CTSS: variants seen among roughly 807,000 people sequenced by gnomAD.
CTSS encodes the protein cathepsin S.
CTSS carries 15 observed loss-of-function variants against 39.9 expected under a neutral mutation model. That is an observed-to-expected ratio of 0.38 (90% confidence interval 0.25 to 0.58). CTSS has a LOEUF of 0.58. Ranked by LOEUF, CTSS falls within the 20% of genes least tolerant of loss-of-function variation. CTSS has a pLI of 0.70. For missense variants in CTSS, 250 were observed against 398.2 expected (o/e 0.63, Z 3.17); for synonymous variants, 126 against 138.2 (o/e 0.91, Z 0.62).
chr1:150,753,394 C>A (rs1653048482), intron 4 of CTSS, among the ~76,000 whole-genome samples: 1 of 152,196 alleles, frequency 6.6e-6, no homozygotes, highest in South Asian at 2.1e-4. Flanking sequence ...GCAAGACTAG[C>A]CATGAATTAA....
At chr1:150,741,076 A>G (rs775601498) in intron 7 of CTSS, among the ~76,000 whole-genome samples, 1 of 152,084 alleles carries the variant, frequency 6.6e-6, no homozygotes, top group Non-Finnish European at 1.5e-5. Context: ...ATCATGGCTC[A>G]CTGTAGCCTC....
chr1:150,750,227 C>T (rs112376067), intron 5 of CTSS, 56 bp from the exon 6 acceptor site: 2 of 1,384,152 alleles, frequency 1.4e-6, no homozygotes, highest in African/African-American at 2.9e-5. Context: ...TATAAATCAC[C>T]TGTATCCTAA....
intron 7 of CTSS, among the ~76,000 whole-genome samples, chr1:150,746,966 G>C (rs182560332): frequency 6.6e-6 from 1 of 152,140 alleles, no homozygotes; most frequent in Non-Finnish European, 1.5e-5. Flanking sequence ...TTTGGCAGCA[G>C]TATGAAAGAT....
chr1:150,740,010 G>T (rs775981406), intron 7 of CTSS, among the ~76,000 whole-genome samples: 16 of 152,196 alleles, frequency 1.1e-4, no homozygotes, highest in Non-Finnish European at 1.8e-4. Context: ...TAGACTATGA[G>T]TACCTTGAGG....
chr1:150,741,411 G>A (rs1191824223), intron 7 of CTSS, among the ~76,000 whole-genome samples: 1 of 152,112 alleles, frequency 6.6e-6, no homozygotes, highest in East Asian at 1.9e-4. Context: ...TCTAATGCAT[G>A]GAGTTGATTA....
chr1:150,751,499 C>T (rs1471810727), intron 5 of CTSS, among the ~76,000 whole-genome samples: 2 of 152,116 alleles, frequency 1.3e-5, no homozygotes, highest in African/African-American at 2.4e-5. Flanking sequence ...CCACCCACCT[C>T]GGCCTTCCAA....
At chr1:150,758,156 T>C (rs1653173494) in intron 2 of CTSS, among the ~76,000 whole-genome samples, 176 bp from the exon 3 acceptor site, 1 of 152,120 alleles carries the variant, frequency 6.6e-6, no homozygotes, top group Non-Finnish European at 1.5e-5. Context: ...TTCAAGTGAT[T>C]CTCCTGCTTC....
rs369911614 is a variant in CTSS, at chr1:150,751,814, G to C, written c.594C>G (p.Ile198Met). 1 of 1,613,974 alleles carries C rather than the reference G, an allele frequency of 6.2e-7. No homozygotes were observed. Among genetic ancestry groups the C allele is most frequent in the African/African-American group, 1.3e-5 (1 of 74,896 alleles). The change falls in exon 5 of 8, where the codon ATC becomes ATG. Residue 198 changes from isoleucine to methionine, a missense_variant. Physicochemically the swap from Ile to Met is conservative, Grantham distance 10. Transcript: ENST00000368985. Reference sequence around the variant, plus strand: ...TGTAGGGATAGGAAGCGTCTGAGTCGATGCCCTTGTTATCAATGATGTACT... The same window carrying C: ...TGTAGGGATAGGAAGCGTCTGAGTCCATGCCCTTGTTATCAATGATGTACT... ...AFQYIIDNKG[I>M]DSDASYPYKA...
intron 7 of CTSS, among the ~76,000 whole-genome samples, chr1:150,745,041 G>T (rs1294217427): frequency 6.6e-6 from 1 of 152,050 alleles, no homozygotes; most frequent in Non-Finnish European, 1.5e-5. Flanking sequence ...TCAGTGCTGT[G>T]AATAGGTTAT....
intron 4 of CTSS, 69 bp from the exon 5 acceptor site, chr1:150,752,077 C>T (rs1653019782): frequency 1.3e-6 from 2 of 1,481,662 alleles, no homozygotes; most frequent in Non-Finnish European, 1.9e-6. Flanking sequence ...ATAACCCAAA[C>T]TGGACAACGC....
chr1:150,755,177 T>C (rs377704301), intron 3 of CTSS, 27 bp from the exon 4 acceptor site: 1 of 1,610,308 alleles, frequency 6.2e-7, no homozygotes, highest in African/African-American at 1.3e-5. Flanking sequence ...CAGTCAGGCA[T>C]TGTTTAATGA....
chr1:150,738,589 C>T (rs780226922), intron 7 of CTSS, among the ~76,000 whole-genome samples: 1 of 150,972 alleles, frequency 6.6e-6, no homozygotes, highest in African/African-American at 2.4e-5. Context: ...CCAGGTCTCA[C>T]GCTCCTGCCT....
intron 2 of CTSS, among the ~76,000 whole-genome samples, chr1:150,758,648 T>A (rs968331333): frequency 1.3e-5 from 2 of 151,818 alleles, no homozygotes; most frequent in Non-Finnish European, 2.9e-5. Flanking sequence ...CCCAGCAATC[T>A]TCACACCTCA....
At chr1:150,742,569 C>T (rs1447401800) in intron 7 of CTSS, among the ~76,000 whole-genome samples, 1 of 152,024 alleles carries the variant, frequency 6.6e-6, no homozygotes, top group Non-Finnish European at 1.5e-5. Flanking sequence ...CATTTTTAGA[C>T]AATGGTGAAC....
At chr1:150,757,276 A>G (rs1233071992) in intron 3 of CTSS, among the ~76,000 whole-genome samples, 1 of 152,202 alleles carries the variant, frequency 6.6e-6, no homozygotes, top group East Asian at 1.9e-4. Context: ...AAAGCAAGGC[A>G]GAATTTTATA....
chr1:150,764,213 A>G (rs748978990), intron 2 of CTSS, among the ~76,000 whole-genome samples: 1 of 152,142 alleles, frequency 6.6e-6, no homozygotes, highest in African/African-American at 2.4e-5. Flanking sequence ...CAAGAACAGT[A>G]TCTGGCAAGA....
At chr1:150,753,762 C>T (rs7526489) in intron 4 of CTSS, among the ~76,000 whole-genome samples, 52,158 of 151,516 alleles carry the variant, frequency 0.34, 9,265 homozygotes, top group South Asian at 0.53. Flanking sequence ...TCAGCTTGGG[C>T]AACATGGCAA....
At chr1:150,736,428 C>G (rs1652638262) in intron 7 of CTSS, among the ~76,000 whole-genome samples, 2 of 152,158 alleles carry the variant, frequency 1.3e-5, no homozygotes, top group South Asian at 4.1e-4. Context: ...ACAGTTATCT[C>G]TGTGAGTGAA....
intron 4 of CTSS, among the ~76,000 whole-genome samples, chr1:150,753,791 A>C (rs1397357816): frequency 6.6e-6 from 1 of 152,000 alleles, no homozygotes; most frequent in Non-Finnish European, 1.5e-5. Context: ...TCTGCTAAAA[A>C]TACAAAGAAA....
Sources: allele counts gnomAD v4.1 joint callset (sites outside exome capture counted in the v4.1 genomes callset), GRCh38; gene constraint gnomAD v4.1.1; transcripts MANE v1.5; gene names NCBI Gene and HGNC (gene_info 2026-07-23, HGNC 2026-07-21).